The following FSTL4 variants were observed in gnomAD, a reference collection of about 807,000 sequenced individuals.
The protein encoded by FSTL4 is follistatin like 4.
A neutral mutation model predicts 78.2 loss-of-function variants in FSTL4; 28 were observed. The ratio of observed to expected loss-of-function variants is 0.36; its 90% CI spans 0.27 to 0.49. The LOEUF (loss-of-function observed/expected upper bound fraction) is 0.49, where lower values mean the gene tolerates loss of function less well. FSTL4 is among the 20% of genes least tolerant of loss of function. The pLI is 0.98. For missense variants in FSTL4, 922 were observed against 1,084.9 expected (o/e 0.85, Z 2.11); for synonymous variants, 422 against 440.5 (o/e 0.96, Z 0.53).
chr5:133,838,376 A>G, the FSTL4 span, among the ~76,000 whole-genome samples: 1 of 152,234 alleles, frequency 6.6e-6, no homozygotes, highest in Admixed American at 6.5e-5. Context: ...TATCTCCCAC[A>G]GTTACTGTAG....
At chr5:133,650,644 T>G in the FSTL4 span, among the ~76,000 whole-genome samples, 1 of 152,194 alleles carries the variant, frequency 6.6e-6, no homozygotes. Context: ...CATTGATCTA[T>G]CTGTCTGTTC....
At chr5:133,458,992 A>G (rs916787015) in intron 3 of FSTL4, among the ~76,000 whole-genome samples, 2 of 152,108 alleles carry the variant, frequency 1.3e-5, no homozygotes, top group African/African-American at 4.8e-5. Flanking sequence ...TCTGAAAGTC[A>G]GGCTGGTGCT....
At chr5:133,380,717 A>G (rs1408144546) in intron 4 of FSTL4, among the ~76,000 whole-genome samples, 1 of 151,658 alleles carries the variant, frequency 6.6e-6, no homozygotes, top group East Asian at 1.9e-4. Flanking sequence ...AAGACAACAC[A>G]AGAAAACTAC....
chr5:133,689,785 G>A, the FSTL4 span, among the ~76,000 whole-genome samples: 8 of 152,176 alleles, frequency 5.3e-5, no homozygotes, highest in Non-Finnish European at 1.2e-4. Context: ...CACCAGGCCA[G>A]GCACGGTGGC....
At chr5:133,435,014 A>G (rs1378906418) in intron 3 of FSTL4, among the ~76,000 whole-genome samples, 1 of 152,142 alleles carries the variant, frequency 6.6e-6, no homozygotes, top group Non-Finnish European at 1.5e-5. Flanking sequence ...TCTATAGTAA[A>G]GTCATTCATA....
chr5:133,519,516 G>A (rs1213814998), intron 3 of FSTL4, among the ~76,000 whole-genome samples: 1 of 152,172 alleles, frequency 6.6e-6, no homozygotes, highest in African/African-American at 2.4e-5. Flanking sequence ...CTGTCTGCTC[G>A]CTCCAAAGCA....
the FSTL4 span, among the ~76,000 whole-genome samples, chr5:133,684,376 G>T: frequency 6.6e-6 from 1 of 152,276 alleles, no homozygotes; most frequent in South Asian, 2.1e-4. Flanking sequence ...CCACTTATTG[G>T]TTGCATGCCT....
chr5:133,423,498 G>T (rs961699927), intron 3 of FSTL4, among the ~76,000 whole-genome samples: 5 of 152,186 alleles, frequency 3.3e-5, no homozygotes, highest in African/African-American at 1.2e-4. Flanking sequence ...GCCCAATTCT[G>T]CTGCTATGTG....
chr5:133,464,511 T>A (rs997654930), intron 3 of FSTL4, among the ~76,000 whole-genome samples: 1 of 152,180 alleles, frequency 6.6e-6, no homozygotes, highest in South Asian at 2.1e-4. Flanking sequence ...AAACACAGCA[T>A]CAGCAGAGGG....
chr5:133,220,658 T>G (rs529990030), intron 12 of FSTL4, 90 bp downstream of exon 12: 7 of 786,328 alleles, frequency 8.9e-6, no homozygotes, highest in Middle Eastern at 2.4e-4. Flanking sequence ...AATGGAATTT[T>G]AGAAATCAAA....
the FSTL4 span, among the ~76,000 whole-genome samples, chr5:133,694,853 G>A: frequency 6.6e-6 from 1 of 152,190 alleles, no homozygotes; most frequent in Non-Finnish European, 1.5e-5. Flanking sequence ...AGAGCAGAGA[G>A]AGCAGGAAGC....
intron 7 of FSTL4, among the ~76,000 whole-genome samples, chr5:133,234,867 T>C (rs1561634510): frequency 6.6e-6 from 1 of 152,222 alleles, no homozygotes; most frequent in Non-Finnish European, 1.5e-5. Context: ...TATTTTTGAA[T>C]GTGGGATGCA....
intron 6 of FSTL4, among the ~76,000 whole-genome samples, chr5:133,261,200 G>A (rs1752511415): frequency 1.3e-5 from 2 of 152,092 alleles, no homozygotes; most frequent in Admixed American, 6.5e-5. Context: ...TGTTTCCTGG[G>A]CAGGTTAATT....
At chr5:133,384,006 GA>G (rs1442294224) in intron 4 of FSTL4, among the ~76,000 whole-genome samples, 1 of 152,168 alleles carries the variant, frequency 6.6e-6, no homozygotes, top group African/African-American at 2.4e-5. Context: ...ATTTCAAATG[GA>G]TATTGTTTAA....
At chr5:133,226,764 A>G (rs2126796074) in intron 8 of FSTL4, among the ~76,000 whole-genome samples, 1 of 152,130 alleles carries the variant, frequency 6.6e-6, no homozygotes, top group African/African-American at 2.4e-5. Context: ...GTTATCTGGA[A>G]CTCCCTGTTG....
chr5:133,781,364 GTTGT>G, the FSTL4 span, among the ~76,000 whole-genome samples: 1,167 of 89,588 alleles, frequency 0.013, 18 homozygotes, highest in African/African-American at 0.048. Flanking sequence ...TTGTTAAGCG[GTTGT>G]GTGTGTGTGT....
At chr5:133,476,135 G>A (rs745945497) in intron 3 of FSTL4, among the ~76,000 whole-genome samples, 9 of 152,114 alleles carry the variant, frequency 5.9e-5, no homozygotes, top group Non-Finnish European at 1.0e-4. Context: ...GGGCAAAAAC[G>A]GGCAAAAATG....
intron 3 of FSTL4, among the ~76,000 whole-genome samples, chr5:133,473,242 A>T (rs1239061738): frequency 2.0e-5 from 3 of 152,018 alleles, no homozygotes; most frequent in East Asian, 1.9e-4. Context: ...GAAAAAAAAA[A>T]TCAATGGTGT....
intron 6 of FSTL4, among the ~76,000 whole-genome samples, chr5:133,254,274 A>G (rs1017973201): frequency 1.3e-5 from 2 of 152,194 alleles, no homozygotes; most frequent in African/African-American, 4.8e-5. Flanking sequence ...CCACACTCAC[A>G]TTGTTTCTGT....
Sources: allele counts gnomAD v4.1 joint callset (sites outside exome capture counted in the v4.1 genomes callset), GRCh38; gene constraint gnomAD v4.1.1; transcripts MANE v1.5; gene names NCBI Gene and HGNC (gene_info 2026-07-23, HGNC 2026-07-21).